HECTD4: variants seen among roughly 807,000 people sequenced by gnomAD.
HECTD4 encodes the protein HECT domain E3 ubiquitin protein ligase 4, also known as probable E3 ubiquitin-protein ligase HECTD4.
In HECTD4, 114 loss-of-function variants were observed where a neutral mutation model predicts 471.5. The ratio of observed to expected loss-of-function variants is 0.24; its 90% confidence interval spans 0.21 to 0.28. The LOEUF is 0.28. Among genes scored for constraint, HECTD4 ranks in the 10% least tolerant of loss-of-function variants. The pLI is 1.00. For missense variants in HECTD4, 3,866 were observed against 5,651.5 expected (o/e 0.68, Z 10.13); for synonymous variants, 2,012 against 2,256.0 (o/e 0.89, Z 3.07).
At position 112,162,122 on chromosome 12, in the gene HECTD4, A is replaced by C; in HGVS notation, c.*265T>G. On this transcript the variant is annotated 3_prime_UTR_variant, in exon 76 of 76. Transcript: ENST00000682272. This position sits in a 1 kb window ranked among gnomAD's most constrained non-coding sequence, Gnocchi z 5.2. ...GCCATGAGGGACAATGTCCAAGAAG[A>C]TCAAATTAGACACAAACTGTCTGGG... The C allele has an allele frequency of 2.4e-6, 1 of 416,258 alleles. No individual in the cohort carries two copies. The highest frequency in any genetic ancestry group is 4.4e-6 in the Non-Finnish European group (1 of 229,738). The allele number at this position is 416,258 out of a possible 1,614,324, so 25.8% of individuals were successfully genotyped here.
intron 7 of HECTD4, among the ~76,000 whole-genome samples, chr12:112,303,321 G>A (rs1269354253): frequency 1.3e-5 from 2 of 152,120 alleles, no homozygotes; most frequent in Non-Finnish European, 2.9e-5. Flanking sequence ...CTCTAAGGCT[G>A]GTGGGGTGAG....
intron 55 of HECTD4, among the ~76,000 whole-genome samples, chr12:112,199,655 G>A (rs1428681160): frequency 6.6e-6 from 1 of 152,222 alleles, no homozygotes; most frequent in Non-Finnish European, 1.5e-5. Context: ...GAACATGAGG[G>A]AGCTTTGCCA....
chr12:112,215,523 G>T (rs1184510664), intron 48 of HECTD4, among the ~76,000 whole-genome samples: 5 of 152,178 alleles, frequency 3.3e-5, no homozygotes, highest in Non-Finnish European at 5.9e-5. Flanking sequence ...AGACTAAAAA[G>T]AAGGAGGAAA....
chr12:112,375,355 T>C (rs2036757368), intron 1 of HECTD4, among the ~76,000 whole-genome samples: 2 of 152,338 alleles, frequency 1.3e-5, no homozygotes, highest in African/African-American at 4.8e-5. Context: ...GACTTGAACA[T>C]TCACGTTCAA....
chr12:112,285,570 A>G (rs950572846), intron 7 of HECTD4, among the ~76,000 whole-genome samples: 2 of 152,006 alleles, frequency 1.3e-5, no homozygotes, highest in East Asian at 3.9e-4. Context: ...ATGAATGCCA[A>G]CTCCCTGAGA....
At chr12:112,195,168 C>A in intron 55 of HECTD4, 102 bp from the exon 56 acceptor site, 1 of 1,000,176 alleles carries the variant, frequency 1.0e-6, no homozygotes, top group Non-Finnish European at 1.4e-6. Context: ...CTGCCTCAGG[C>A]TTCTCTTCCA....
chr12:112,235,388 C>T lies in HECTD4; in HGVS notation c.5725+116G>A, dbSNP rs1405342201. On this transcript the variant is annotated intron_variant, in intron 36 of 75. Coordinates refer to ENST00000682272, the MANE Select transcript of HECTD4 (RefSeq NM_001388303.1). The surrounding 1 kb of genome is among the most constrained non-coding windows in gnomAD (Gnocchi z 5.0). Reference sequence around the variant, plus strand: ...CTTCCCCCTTCTCTATTCCTGTCCCCGCTCCCTTCTCTGTCACTCACTCTT... The same window carrying T: ...CTTCCCCCTTCTCTATTCCTGTCCCTGCTCCCTTCTCTGTCACTCACTCTT... 22 of 1,481,644 alleles carry T rather than the reference C, an allele frequency of 1.5e-5. No individual in the cohort carries two copies. Among genetic ancestry groups the T allele is most frequent in the South Asian group, 1.2e-4 (9 of 74,398 alleles). The allele number at this position is 1,481,644 out of a possible 1,614,324, so 91.8% of individuals were successfully genotyped here.
In HECTD4 at chr12:112,173,222, GCT is replaced by G. The variant is rs1384201061; in HGVS notation, c.11595-363_11595-362del. On this transcript the variant is annotated intron_variant, in intron 66 of 75. Coordinates refer to ENST00000682272, the MANE Select transcript of HECTD4 (RefSeq NM_001388303.1). The surrounding 1 kb of genome is among the most constrained non-coding windows in gnomAD (Gnocchi z 4.3). Reference sequence around the variant, plus strand: ...TTTTTCTCCTTAGAGACAAAATCTTGCTCTGTTGCCTGGGCTGGAGTGCAGTG... The same window carrying G: ...TTTTTCTCCTTAGAGACAAAATCTTGCTGTTGCCTGGGCTGGAGTGCAGTG... Among the ~76,000 whole-genome samples, 2 of 152,036 alleles carry G rather than the reference GCT, an allele frequency of 1.3e-5. No homozygotes were observed. The highest frequency in any genetic ancestry group is 1.9e-4 in the East Asian group (1 of 5,182).
At chr12:112,326,739 C>T (rs57196059) in intron 1 of HECTD4, among the ~76,000 whole-genome samples, 23,553 of 151,982 alleles carry the variant, frequency 0.15, 2,432 homozygotes, top group African/African-American at 0.3. Flanking sequence ...TAATCATTAG[C>T]ATAAACTACT....
At position 112,235,015 on chromosome 12, in the gene HECTD4, C is replaced by A; in HGVS notation, c.5915+62G>T. On this transcript the variant is annotated intron_variant, in intron 37 of 75. Coordinates refer to ENST00000682272, the MANE Select transcript of HECTD4 (RefSeq NM_001388303.1). The surrounding 1 kb of genome is among the most constrained non-coding windows in gnomAD (Gnocchi z 5.0). The stretch of plus-strand genomic sequence containing the variant: ...CGATACATGTACAGGGCTTACTTAG[C>A]ACAGTGCCTGTGACATGGGTGGTGC... 1 of 1,463,884 alleles carries A rather than the reference C, an allele frequency of 6.8e-7. No individual in the cohort carries two copies. 90.7% of individuals were successfully genotyped at this position (1,463,884 alleles called of 1,614,324 possible). A position where few individuals can be genotyped will look rare whatever the true frequency, so the allele number is the denominator to read the frequency against.
At chr12:112,176,554 A>G in intron 65 of HECTD4, 42 bp downstream of exon 65, 1 of 1,394,576 alleles carries the variant, frequency 7.2e-7, no homozygotes, top group Non-Finnish European at 1.0e-6. Context: ...TCCAGGATGG[A>G]AGTAGGTCCC....
chr12:112,323,975 TTCCTTCCTTCCTTC>T lies in HECTD4; in HGVS notation c.178-4247_178-4234del, dbSNP rs2035656585. Among the ~76,000 whole-genome samples, 3 of 21,122 alleles carry T rather than the reference TTCCTTCCTTCCTTC, an allele frequency of 1.4e-4. 1 individual carries two copies. The highest frequency in any genetic ancestry group is 1.6e-4 in the Non-Finnish European group (2 of 12,666). 13.9% of individuals were successfully genotyped at this position (21,122 alleles called of 152,430 possible). On this transcript the variant is annotated intron_variant, in intron 1 of 75. Transcript: ENST00000682272. ...CTTTCTTTCTTTCTTTCTTCCTTCC[TTCCTTCCTTCCTTC>T]CTTCCTTCCTTCCTTCCTTCCTTCC...
intron 44 of HECTD4, among the ~76,000 whole-genome samples, chr12:112,223,700 G>A (rs1311589580): frequency 6.6e-6 from 1 of 152,118 alleles, no homozygotes; most frequent in Non-Finnish European, 1.5e-5. Flanking sequence ...GATTACAGGC[G>A]TGAGCCACCA....
At chr12:112,337,001 C>A (rs192992666) in intron 1 of HECTD4, among the ~76,000 whole-genome samples, 2 of 152,154 alleles carry the variant, frequency 1.3e-5, no homozygotes, top group African/African-American at 4.8e-5. Flanking sequence ...GTAAATGACA[C>A]ACAAGAATTT....
Position 112,194,358 on chromosome 12 carries a change from G to A in HECTD4, c.8749+527C>T, listed in dbSNP as rs940399859. 1.3e-5 allele frequency among the ~76,000 whole-genome samples: 2 copies of A among 152,192 alleles called. No individual in the cohort carries two copies. Among genetic ancestry groups the A allele is most frequent in the Non-Finnish European group, 2.9e-5 (2 of 68,034 alleles). ...GGGAGATCGAGGCGGCAGGCTGGAG[G>A]CTGAGATGCCAGGGGAAGACAGAAA... On this transcript the variant is annotated intron_variant, in intron 56 of 75. Coordinates refer to ENST00000682272, the MANE Select transcript of HECTD4 (RefSeq NM_001388303.1). The surrounding 1 kb of genome is among the most constrained non-coding windows in gnomAD (Gnocchi z 4.6).
intron 67 of HECTD4, among the ~76,000 whole-genome samples, chr12:112,171,670 C>T (rs912249672): frequency 4.6e-5 from 7 of 152,214 alleles, no homozygotes; most frequent in Non-Finnish European, 1.0e-4. Flanking sequence ...GGAAACTGTG[C>T]CACTGGCACA....
chr12:112,355,003 T>C (rs1419174663), intron 1 of HECTD4, among the ~76,000 whole-genome samples: 1 of 151,228 alleles, frequency 6.6e-6, no homozygotes, highest in African/African-American at 2.4e-5. Flanking sequence ...TTTTTTGAGA[T>C]GGAGTCTTGC....
chr12:112,239,060 T>G lies in HECTD4; in HGVS notation c.5282A>C (p.Lys1761Thr), dbSNP rs1391397528. ...GGAGTCTGGCATCTCACCTTCCTCT[T>G]TTTCCCACTCAACACAGCGGTTGGC... ...VLANRCVEWE[K>T]EEGGSTEAVH... The change falls in exon 34 of 76, where the codon AAA (lysine) becomes ACA (threonine). Residue 1761 changes from lysine to threonine, a missense_variant. Physicochemically the swap from Lys to Thr is moderately conservative, Grantham distance 78. Around this residue, in one of 16 missense-constraint regions of HECTD4, gnomAD observed 229 missense variants for 386.4 expected, o/e 0.59. Transcript: ENST00000682272. This position sits in a 1 kb window ranked among gnomAD's most constrained non-coding sequence, Gnocchi z 4.9. 3 of 1,610,854 alleles carry G rather than the reference T, an allele frequency of 1.9e-6. No homozygotes were observed. Among genetic ancestry groups the G allele is most frequent in the Non-Finnish European group, 1.7e-6 (2 of 1,178,574 alleles).
rs1204355329 is a variant in HECTD4, at chr12:112,226,827, A to G, written c.6855-69T>C. 4.4e-6 allele frequency: 5 copies of G among 1,139,370 alleles called. No homozygotes were observed. In the East Asian group the frequency reaches 1.3e-4, roughly 29 times the overall value. The allele number at this position is 1,139,370 out of a possible 1,614,324, so 70.6% of individuals were successfully genotyped here. On this transcript the variant is annotated intron_variant, in intron 43 of 75. Coordinates refer to ENST00000682272, the MANE Select transcript of HECTD4 (RefSeq NM_001388303.1). ...CATTGTCTAAAAAAGTCAACTGTGA[A>G]AAACATTTCAATCAATTTTGCCCCC...
Sources: allele counts gnomAD v4.1 joint callset (sites outside exome capture counted in the v4.1 genomes callset), GRCh38; gene constraint gnomAD v4.1.1; regional missense constraint gnomAD v4.1.1; non-coding constraint Gnocchi (gnomAD v3.1); transcripts MANE v1.5; gene names NCBI Gene and HGNC (gene_info 2026-07-23, HGNC 2026-07-21).